Variants in SGCZ observed in about 807,000 individuals in gnomAD.
SGCZ encodes sarcoglycan zeta, also known as zeta-sarcoglycan.
Under a neutral mutation model 41.3 loss-of-function variants are expected in SGCZ, and 40 were observed. The observed-to-expected ratio is 0.97, with a 90% CI of 0.75 to 1.26. The LOEUF is 1.26. SGCZ is among the 50% of genes most tolerant of loss of function. The pLI is 0.00. For missense variants in SGCZ, 552 were observed against 369.8 expected (o/e 1.49, Z -4.04); for synonymous variants, 206 against 137.5 (o/e 1.50, Z -3.49).
At chr8:14,172,187 CAAAG>C (rs1804403121) in intron 4 of SGCZ, among the ~76,000 whole-genome samples, 1 of 152,132 alleles carries the variant, frequency 6.6e-6, no homozygotes, top group Admixed American at 6.6e-5. Context: ...TTCCACACAA[CAAAG>C]ACTTATTTTT....
At chr8:14,396,643 T>C (rs1798928337) in intron 2 of SGCZ, among the ~76,000 whole-genome samples, 2 of 152,088 alleles carry the variant, frequency 1.3e-5, no homozygotes, top group Admixed American at 1.3e-4. Context: ...GACAACCTGG[T>C]AGCTAATATA....
chr8:15,232,135 T>C (rs1801961206), intron 1 of SGCZ, among the ~76,000 whole-genome samples: 1 of 152,208 alleles, frequency 6.6e-6, no homozygotes, highest in Admixed American at 6.5e-5. Flanking sequence ...AAACGGTCAT[T>C]TTCCTTAGTA....
chr8:14,717,712 G>A (rs1809737926), intron 1 of SGCZ, among the ~76,000 whole-genome samples: 1 of 151,958 alleles, frequency 6.6e-6, no homozygotes, highest in Admixed American at 6.6e-5. Context: ...TCTGCACTGG[G>A]CCTCACAAAT....
intron 1 of SGCZ, among the ~76,000 whole-genome samples, chr8:14,959,032 T>C (rs1800882267): frequency 6.6e-6 from 1 of 152,088 alleles, no homozygotes; most frequent in African/African-American, 2.4e-5. Flanking sequence ...AAAACAAACA[T>C]TTTTTCTTCC....
intron 1 of SGCZ, among the ~76,000 whole-genome samples, chr8:15,017,040 G>A (rs1585477136): frequency 6.6e-6 from 1 of 152,224 alleles, no homozygotes; most frequent in South Asian, 2.1e-4. Context: ...CCTTCAACAA[G>A]AGGGATCACA....
intron 1 of SGCZ, among the ~76,000 whole-genome samples, chr8:14,560,661 G>A (rs1294315637): frequency 1.3e-5 from 2 of 152,016 alleles, no homozygotes; most frequent in Non-Finnish European, 2.9e-5. Context: ...ATATGAAGGT[G>A]AAATTACTGT....
At chr8:14,238,007 T>A (rs992694723) in intron 3 of SGCZ, among the ~76,000 whole-genome samples, 11 of 152,218 alleles carry the variant, frequency 7.2e-5, no homozygotes, top group Non-Finnish European at 1.6e-4. Context: ...GTGCAGATAT[T>A]CCAGACGCTA....
At chr8:14,954,673 C>G (rs370399031) in intron 1 of SGCZ, among the ~76,000 whole-genome samples, 6 of 152,198 alleles carry the variant, frequency 3.9e-5, no homozygotes, top group African/African-American at 1.4e-4. Context: ...CTGAGGCTTT[C>G]GGTTCCACAA....
In SGCZ at chr8:15,078,117, T is replaced by A. The variant is rs1360802712; in HGVS notation, c.39+159468A>T. On this transcript the variant is annotated intron_variant, in intron 1 of 7. Transcript: ENST00000382080. ...GTGTGTGGTGGCCTGATTTTCAGTGTGAGGTGACAGCCTGTTGGCAGGAAC... is the reference window on the plus strand; with the variant it reads ...GTGTGTGGTGGCCTGATTTTCAGTGAGAGGTGACAGCCTGTTGGCAGGAAC... Among the ~76,000 whole-genome samples the A allele has an allele frequency of 1.6e-4, 23 of 145,706 alleles. No individual in the cohort carries two copies. The Admixed American group carries it at 1.6e-3, about 10-fold the overall frequency.
At chr8:15,199,522 C>A (rs1800830307) in intron 1 of SGCZ, among the ~76,000 whole-genome samples, 1 of 152,062 alleles carries the variant, frequency 6.6e-6, no homozygotes, top group African/African-American at 2.4e-5. Flanking sequence ...AGAGTTATAA[C>A]TAATTACAAT....
chr8:14,916,105 T>C (rs1199748800), intron 1 of SGCZ, among the ~76,000 whole-genome samples: 1 of 152,204 alleles, frequency 6.6e-6, no homozygotes, highest in East Asian at 1.9e-4. Flanking sequence ...ACCACCTATA[T>C]AAGAATTGAA....
chr8:14,327,085 G>A (rs1480899099), intron 2 of SGCZ, among the ~76,000 whole-genome samples: 1 of 152,206 alleles, frequency 6.6e-6, no homozygotes, highest in Non-Finnish European at 1.5e-5. Flanking sequence ...TACCAAAATA[G>A]TGCATAGTCA....
chr8:14,945,873 C>G (rs1800425483), intron 1 of SGCZ, among the ~76,000 whole-genome samples: 1 of 150,514 alleles, frequency 6.6e-6, no homozygotes, highest in South Asian at 2.1e-4. Context: ...GTTACATCAT[C>G]AGCTTCCCTG....
chr8:14,552,375 T>A (rs1803898349), intron 2 of SGCZ, among the ~76,000 whole-genome samples: 1 of 152,010 alleles, frequency 6.6e-6, no homozygotes, highest in Admixed American at 6.6e-5. Flanking sequence ...TGTGTCACCT[T>A]ACAGTGTGAT....
At chr8:14,349,795 T>G (rs973164363) in intron 2 of SGCZ, among the ~76,000 whole-genome samples, 1 of 152,112 alleles carries the variant, frequency 6.6e-6, no homozygotes, top group African/African-American at 2.4e-5. Context: ...TGTCTCAAAG[T>G]GTATCTTCTG....
chr8:14,897,435 GT>G (rs1323704665), intron 1 of SGCZ, among the ~76,000 whole-genome samples: 1 of 152,122 alleles, frequency 6.6e-6, no homozygotes, highest in African/African-American at 2.4e-5. Flanking sequence ...TTGATGCCGA[GT>G]TTCTTTGGAT....
chr8:14,496,418 G>T (rs1165885113), intron 2 of SGCZ, among the ~76,000 whole-genome samples: 1 of 152,078 alleles, frequency 6.6e-6, no homozygotes, highest in East Asian at 1.9e-4. Flanking sequence ...AGTACAAAAT[G>T]AATACAAGTA....
At chr8:14,210,533 G>A (rs1404607474) in intron 4 of SGCZ, among the ~76,000 whole-genome samples, 13 of 151,400 alleles carry the variant, frequency 8.6e-5, no homozygotes, top group East Asian at 7.8e-4. Flanking sequence ...TGCGATCTCG[G>A]CTCACCACAA....
intron 1 of SGCZ, among the ~76,000 whole-genome samples, chr8:14,671,004 T>A (rs988571299): frequency 6.6e-6 from 1 of 152,228 alleles, no homozygotes; most frequent in Non-Finnish European, 1.5e-5. Flanking sequence ...CCCATGTTTC[T>A]AGCTCTCAAG....
Sources: gnomAD v4.1 joint callset for allele counts (sites outside exome capture counted in the v4.1 genomes callset) on GRCh38, gnomAD v4.1.1 for gene constraint, MANE v1.5 for transcripts, NCBI Gene and HGNC (gene_info 2026-07-23, HGNC 2026-07-21) for gene names.